KDM4C: variants seen among roughly 807,000 people sequenced by gnomAD.
The protein encoded by KDM4C is lysine demethylase 4C.
A neutral mutation model predicts 129.3 loss-of-function variants in KDM4C; 81 were observed. The ratio of observed to expected loss-of-function variants is 0.63; its 90% CI spans 0.52 to 0.75. KDM4C has a LOEUF of 0.75. Ranked by LOEUF, KDM4C falls within the 30% of genes least tolerant of loss-of-function variation. The pLI is 0.00. For synonymous variants in KDM4C, 573 were observed against 456.1 expected (o/e 1.26, Z -3.26); for missense variants, 1,457 against 1,304.0 (o/e 1.12, Z -1.81).
chr9:6,786,724 T>C (rs1449956611), intron 1 of KDM4C, among the ~76,000 whole-genome samples: 3 of 152,162 alleles, frequency 2.0e-5, no homozygotes, highest in African/African-American at 7.2e-5. Context: ...AGTTTAGTAA[T>C]GATAAATATA....
At chr9:6,762,511 A>G (rs1054324415) in intron 1 of KDM4C, among the ~76,000 whole-genome samples, 1 of 151,908 alleles carries the variant, frequency 6.6e-6, no homozygotes, top group African/African-American at 2.4e-5. Flanking sequence ...TAGGAGGTGT[A>G]TCATAATTAA....
chr9:6,724,765 G>C (rs544364298), intron 1 of KDM4C, among the ~76,000 whole-genome samples: 1 of 152,102 alleles, frequency 6.6e-6, no homozygotes, highest in Non-Finnish European at 1.5e-5. Context: ...TCTTGACCTC[G>C]TGATCTGCCC....
intron 6 of KDM4C, among the ~76,000 whole-genome samples, chr9:6,886,492 T>C (rs754615756): frequency 1.8e-4 from 25 of 135,186 alleles, no homozygotes; most frequent in Non-Finnish European, 3.3e-4. Flanking sequence ...TTTTTTTTTC[T>C]TTTTTCCTTT....
At chr9:6,838,030 T>C (rs1836206381) in intron 4 of KDM4C, among the ~76,000 whole-genome samples, 1 of 152,228 alleles carries the variant, frequency 6.6e-6, no homozygotes. Context: ...TTAACTACTT[T>C]TTTTGCTTGT....
At chr9:6,825,732 CTT>C (rs1833769337) in intron 4 of KDM4C, among the ~76,000 whole-genome samples, 1 of 152,120 alleles carries the variant, frequency 6.6e-6, no homozygotes, top group African/African-American at 2.4e-5. Context: ...CTTTTGTTAT[CTT>C]CAGGTATTTA....
intron 17 of KDM4C, among the ~76,000 whole-genome samples, chr9:7,068,758 G>A (rs958745982): frequency 5.0e-5 from 7 of 138,894 alleles, no homozygotes; most frequent in Non-Finnish European, 9.1e-5. Context: ...GTGCAATGGT[G>A]CAATCTTGGC....
At chr9:7,068,911 G>T (rs1832819734) in intron 17 of KDM4C, among the ~76,000 whole-genome samples, 1 of 151,754 alleles carries the variant, frequency 6.6e-6, no homozygotes. Context: ...TGGCCAGACT[G>T]GTCTCGAACT....
At chr9:7,101,052 G>T (rs62533903) in intron 17 of KDM4C, among the ~76,000 whole-genome samples, 28,861 of 151,928 alleles carry the variant, frequency 0.19, 2,915 homozygotes, top group Admixed American at 0.25. Context: ...ATATAGTTAC[G>T]TAGGGGTTGG....
At chr9:6,777,334 C>G (rs971809492) in intron 1 of KDM4C, among the ~76,000 whole-genome samples, 3 of 152,186 alleles carry the variant, frequency 2.0e-5, no homozygotes, top group African/African-American at 7.2e-5. Flanking sequence ...CTTTTCAAAG[C>G]TGCTTTTGAG....
At chr9:7,004,203 C>T (rs1821240372) in intron 12 of KDM4C, among the ~76,000 whole-genome samples, 1 of 152,184 alleles carries the variant, frequency 6.6e-6, no homozygotes, top group East Asian at 1.9e-4. Flanking sequence ...AATAATTTTC[C>T]TTAGGGACGT....
chr9:6,827,933 G>T (rs1263022680), intron 4 of KDM4C, among the ~76,000 whole-genome samples: 5 of 152,194 alleles, frequency 3.3e-5, no homozygotes, highest in Non-Finnish European at 4.4e-5. Flanking sequence ...CAGGGGAGGT[G>T]ATGGACAGCT....
At chr9:7,090,353 T>C (rs1033725609) in intron 17 of KDM4C, among the ~76,000 whole-genome samples, 1 of 152,234 alleles carries the variant, frequency 6.6e-6, no homozygotes, top group African/African-American at 2.4e-5. Context: ...ATAAAATATT[T>C]ATCTCCACAG....
chr9:6,858,420 C>T (rs1326966352), intron 5 of KDM4C, among the ~76,000 whole-genome samples: 2 of 152,058 alleles, frequency 1.3e-5, no homozygotes, highest in African/African-American at 4.8e-5. Flanking sequence ...AAATCCATAA[C>T]TCTAGGGAAA....
At chr9:7,076,899 G>A (rs763535512) in intron 17 of KDM4C, 135 of 987,990 alleles carry the variant, frequency 1.4e-4, no homozygotes, top group Non-Finnish European at 1.5e-4. Context: ...GTTGTCTCCT[G>A]TAGCATGGAG....
At chr9:6,740,409 T>G (rs1284370781) in intron 1 of KDM4C, among the ~76,000 whole-genome samples, 1 of 152,078 alleles carries the variant, frequency 6.6e-6, no homozygotes, top group East Asian at 1.9e-4. Flanking sequence ...TTCACCGTGT[T>G]AGCCAGGATG....
intron 15 of KDM4C, among the ~76,000 whole-genome samples, chr9:7,025,544 A>G (rs1825668378): frequency 6.6e-6 from 1 of 152,162 alleles, no homozygotes; most frequent in South Asian, 2.1e-4. Flanking sequence ...ATTTGAGGTT[A>G]TGATGAGTCT....
At chr9:7,169,323 G>A (rs1844720973) in intron 20 of KDM4C, among the ~76,000 whole-genome samples, 1 of 151,992 alleles carries the variant, frequency 6.6e-6, no homozygotes, top group Non-Finnish European at 1.5e-5. Flanking sequence ...AATGTATTTT[G>A]TATTTAGTTT....
intron 12 of KDM4C, among the ~76,000 whole-genome samples, chr9:7,009,790 T>G (rs1364075091): frequency 6.6e-6 from 1 of 152,250 alleles, no homozygotes; most frequent in Non-Finnish European, 1.5e-5. Flanking sequence ...CAATTCCACT[T>G]GACTCCTTGA....
intron 1 of KDM4C, among the ~76,000 whole-genome samples, chr9:6,722,099 C>T (rs1816974137): frequency 6.6e-6 from 1 of 152,168 alleles, no homozygotes. Flanking sequence ...TGCTGGTTCC[C>T]CAATAGCCTA....
Sources: gnomAD v4.1 joint callset for allele counts (sites outside exome capture counted in the v4.1 genomes callset) on GRCh38, gnomAD v4.1.1 for gene constraint, MANE v1.5 for transcripts, NCBI Gene and HGNC (gene_info 2026-07-23, HGNC 2026-07-21) for gene names.